Variants in ELP5 observed in about 807,000 individuals in gnomAD.
ELP5 encodes elongator complex protein 5.
A neutral mutation model predicts 33.4 loss-of-function variants in ELP5; 34 were observed. The observed-to-expected ratio is 1.02, with a 90% confidence interval of 0.78 to 1.36. The LOEUF is 1.36. Ranked by LOEUF, ELP5 falls within the 40% of genes most tolerant of loss-of-function variation. The pLI is 0.00. For missense variants in ELP5, 373 were observed against 371.7 expected (o/e 1.00, Z -0.03); for synonymous variants, 161 against 146.4 (o/e 1.10, Z -0.72).
rs149397952 is a variant in ELP5 at position 7,252,855 on chromosome 17, G to C, written c.107+25G>C. 1,417 of 1,614,160 alleles carry C rather than the reference G, an allele frequency of 8.8e-4. 2 individuals are homozygous for C. The highest frequency in any genetic ancestry group is 1.3e-3 in the Admixed American group (79 of 60,026). On this transcript the variant is annotated intron_variant, in intron 2 of 7. Coordinates refer to ENST00000396628, the MANE Select transcript of ELP5 (RefSeq NM_203414.3). ...GGTGAGTATCCCACAGTGTCTCCCC[G>C]GCCTACCCTGGATAGGGCACCTGTG... is the stretch of plus-strand genomic sequence containing the variant.
At position 7,252,764 on chromosome 17, in the gene ELP5, C is replaced by A; in HGVS notation, c.47-6C>A. ...TCATACCCTTTATCCGTCCCTCGCT[C>A]TGCAGATTCCGTGGAGTGGGAGGGG... On this transcript the variant is annotated splice_polypyrimidine_tract_variant and splice_region_variant and intron_variant, in intron 1 of 7. Transcript: ENST00000396628. The A allele has an allele frequency of 6.2e-7, 1 of 1,614,068 alleles. No individual in the cohort carries two copies. The highest frequency in any genetic ancestry group is 8.5e-7 in the Non-Finnish European group (1 of 1,179,986).
At chr17:7,256,741 G>T in intron 4 of ELP5, 116 bp from the exon 5 acceptor site, 1 of 1,042,494 alleles carries the variant, frequency 9.6e-7, no homozygotes, top group Non-Finnish European at 1.4e-6. Context: ...GCCAAGGGAC[G>T]TCAGGATTTT....
rs2072136606 is a variant in ELP5 at position 7,258,677 on chromosome 17, A to AC, written c.686dup (p.Val230GlyfsTer10). The AC allele has an allele frequency of 6.2e-7, 1 of 1,613,664 alleles. No homozygotes were observed. The highest frequency in any genetic ancestry group is 1.3e-5 in the African/African-American group (1 of 74,738). ...CCCAGCCCTACTCCGATCCTCATATACCCCCGGTATCTAAGAATGCCAAGG... is the reference window on the plus strand; with the variant it reads ...CCCAGCCCTACTCCGATCCTCATATACCCCCCGGTATCTAAGAATGCCAAGG... On this transcript the variant is annotated frameshift_variant, in exon 6 of 8. Transcript: ENST00000396628. LOFTEE classifies it high-confidence loss of function.
At position 7,252,924 on chromosome 17, in the gene ELP5, G is replaced by C. The variant is rs1482384579; in HGVS notation, c.114G>C (p.Glu38Asp). Reference protein sequence around the residue: ...ALVKKSALCGEQVHILGCEVS... With the variant: ...ALVKKSALCGDQVHILGCEVS... ...CTTCTCATCTCTGCCTTAGTGGGGAGCAAGTGCATATCCTGGGCTGTGAAG... is the reference window on the plus strand; with the variant it reads ...CTTCTCATCTCTGCCTTAGTGGGGACCAAGTGCATATCCTGGGCTGTGAAG... Residue 38 changes from glutamate to aspartate, a missense_variant, in exon 3 of 8, where the codon GAG (glutamate) becomes GAC (aspartate). Physicochemically the swap from Glu to Asp is conservative, Grantham distance 45. Transcript: ENST00000396628. 6.2e-7 allele frequency: 1 copy of C among 1,614,214 alleles called. No homozygotes were observed. Among genetic ancestry groups the C allele is most frequent in the Admixed American group, 1.7e-5 (1 of 60,022 alleles).
intron 5 of ELP5, 139 bp from the exon 6 acceptor site, chr17:7,258,448 CA>C (rs34867349): frequency 0.069 from 41,900 of 604,694 alleles, 2 homozygotes; most frequent in South Asian, 0.084. Flanking sequence ...GACCCTGTCT[CA>C]AAAAAAAAAA....
chr17:7,258,844 T>G lies in ELP5; in HGVS notation c.706T>G (p.Leu236Val). 6.2e-7 allele frequency: 1 copy of G among 1,614,148 alleles called. No homozygotes were observed. The highest frequency in any genetic ancestry group is 8.5e-7 in the Non-Finnish European group (1 of 1,180,020). The stretch of plus-strand genomic sequence containing the variant: ...CCTACAGGTGGATCCCACAACTCAT[T>G]TGACCTTTAACCTTCACCTGTCCAA... Reference protein sequence around the residue: ...HIPPVDPTTHLTFNLHLSKKE... With the variant: ...HIPPVDPTTHVTFNLHLSKKE... Residue 236 changes from leucine (L) to valine (V), a missense_variant, in exon 7 of 8, where the codon TTG (leucine) becomes GTG (valine). Transcript: ENST00000396628.
intron 4 of ELP5, among the ~76,000 whole-genome samples, chr17:7,255,204 A>C (rs1388377357): frequency 6.6e-6 from 1 of 152,080 alleles, no homozygotes; most frequent in East Asian, 1.9e-4. Context: ...GGCCATGATG[A>C]TACAGGCATG....
At chr17:7,258,549 C>T (rs780760422) in intron 5 of ELP5, 39 bp from the exon 6 acceptor site, 9 of 1,598,972 alleles carry the variant, frequency 5.6e-6, no homozygotes, top group Non-Finnish European at 7.7e-6. Context: ...CTAGTTTCTT[C>T]AGTAAGATGA....
intron 5 of ELP5, among the ~76,000 whole-genome samples, chr17:7,257,479 G>C (rs1157380614): frequency 2.6e-5 from 4 of 151,380 alleles, no homozygotes; most frequent in Non-Finnish European, 5.9e-5. Flanking sequence ...TGCCCAGGCT[G>C]GAGTGCTGTG....
At chr17:7,254,288 CTG>C in intron 3 of ELP5, among the ~76,000 whole-genome samples, 1 of 152,318 alleles carries the variant, frequency 6.6e-6, no homozygotes, top group African/African-American at 2.4e-5. Flanking sequence ...GTGTCAAGCA[CTG>C]TGCTGAATGC....
chr17:7,254,983 C>T (rs1474431949), intron 4 of ELP5, 180 bp downstream of exon 4: 10 of 571,266 alleles, frequency 1.8e-5, no homozygotes, highest in Non-Finnish European at 2.1e-5. Flanking sequence ...CTACCATTTG[C>T]TTTTTTTTCT....
intron 3 of ELP5, among the ~76,000 whole-genome samples, chr17:7,254,321 T>G (rs139161956): frequency 4.7e-4 from 71 of 152,324 alleles, no homozygotes; most frequent in African/African-American, 1.6e-3. Flanking sequence ...GCATCTCATT[T>G]CACCAATGAG....
intron 5 of ELP5, among the ~76,000 whole-genome samples, chr17:7,258,186 C>T (rs757926317): frequency 9.2e-5 from 14 of 152,098 alleles, no homozygotes; most frequent in Non-Finnish European, 1.9e-4. Context: ...CAGTGGCTTA[C>T]ACCTGTAATC....
At chr17:7,258,966 C>T in intron 7 of ELP5, 40 bp downstream of exon 7, 3 of 1,613,404 alleles carry the variant, frequency 1.9e-6, no homozygotes, top group Non-Finnish European at 2.5e-6. Flanking sequence ...CTGAGTAGAT[C>T]CCAGCATCTG....
chr17:7,258,320 G>T (rs985774834), intron 5 of ELP5, among the ~76,000 whole-genome samples: 5 of 150,850 alleles, frequency 3.3e-5, no homozygotes, highest in Admixed American at 2.7e-4. Context: ...GTGGTAGCAC[G>T]TGCCTGTAAT....
At chr17:7,254,863 C>CT (rs767324520) in intron 4 of ELP5, 60 bp downstream of exon 4, 6 of 1,437,918 alleles carry the variant, frequency 4.2e-6, no homozygotes, top group Non-Finnish European at 5.9e-6. Context: ...GAGTGTGCCC[C>CT]TTTTCCTTTC....
intron 4 of ELP5, 129 bp downstream of exon 4, chr17:7,254,932 T>A (rs2072040898): frequency 1.5e-6 from 1 of 680,278 alleles, no homozygotes; most frequent in Non-Finnish European, 2.3e-6. Flanking sequence ...TTTTGACTTT[T>A]TTGTCTGTTT....
At chr17:7,258,558 G>GA (rs773523709) in intron 5 of ELP5, 30 bp from the exon 6 acceptor site, 2 of 1,608,482 alleles carry the variant, frequency 1.2e-6, no homozygotes, top group South Asian at 2.2e-5. Flanking sequence ...TCAGTAAGAT[G>GA]AAAAAAACTC....
chr17:7,255,545 T>TTTTG (rs2072057815), intron 4 of ELP5, among the ~76,000 whole-genome samples: 1 of 147,744 alleles, frequency 6.8e-6, no homozygotes, highest in African/African-American at 2.5e-5. Context: ...AAAAAGGCAC[T>TTTTG]CTCTTGAAGA....
Sources: gnomAD v4.1 joint callset for allele counts (sites outside exome capture counted in the v4.1 genomes callset) on GRCh38, gnomAD v4.1.1 for gene constraint, MANE v1.5 for transcripts, NCBI Gene and HGNC (gene_info 2026-07-23, HGNC 2026-07-21) for gene names.